DTD1: variants seen among roughly 807,000 people sequenced by gnomAD.
The protein encoded by DTD1 is D-aminoacyl-tRNA deacylase 1.
In DTD1, 13 loss-of-function variants were observed where a neutral mutation model predicts 25.6. The ratio of observed to expected loss-of-function variants is 0.51; its 90% confidence interval spans 0.33 to 0.81. The LOEUF is 0.81. Ranked by LOEUF, DTD1 falls within the 30% of genes least tolerant of loss-of-function variation. The pLI, the probability that DTD1 is intolerant of heterozygous loss-of-function variation, is 0.02. For synonymous variants in DTD1, 110 were observed against 103.6 expected (o/e 1.06, Z -0.37); for missense variants, 193 against 266.4 (o/e 0.72, Z 1.92).
At chr20:18,712,556 G>A (rs1025180988) in intron 4 of DTD1, among the ~76,000 whole-genome samples, 3 of 151,904 alleles carry the variant, frequency 2.0e-5, no homozygotes, top group Non-Finnish European at 4.4e-5. Context: ...CATGGACCTC[G>A]ACCCGAGATC....
intron 4 of DTD1, among the ~76,000 whole-genome samples, chr20:18,710,067 TTG>T (rs1239843117): frequency 6.6e-6 from 1 of 152,186 alleles, no homozygotes; most frequent in Non-Finnish European, 1.5e-5. Flanking sequence ...TTATGATATA[TTG>T]TCTACATTTT....
chr20:18,618,837 C>T (rs937495896), intron 3 of DTD1, among the ~76,000 whole-genome samples: 1 of 151,760 alleles, frequency 6.6e-6, no homozygotes, highest in Middle Eastern at 3.4e-3. Flanking sequence ...CTCAGCCTCC[C>T]GAGTAGCTGG....
chr20:18,595,360 T>C (rs552174645), intron 2 of DTD1, among the ~76,000 whole-genome samples: 53 of 152,240 alleles, frequency 3.5e-4, no homozygotes, highest in Non-Finnish European at 7.2e-4. Context: ...TCTGCCTCCC[T>C]GGTTCAAGCG....
intron 3 of DTD1, among the ~76,000 whole-genome samples, chr20:18,614,752 C>T (rs1453477326): frequency 6.6e-6 from 1 of 152,090 alleles, no homozygotes; most frequent in Non-Finnish European, 1.5e-5. Flanking sequence ...TTTAGAGGCA[C>T]TTCCTGTGTC....
At chr20:18,688,760 C>T (rs903806945) in intron 4 of DTD1, among the ~76,000 whole-genome samples, 1 of 151,876 alleles carries the variant, frequency 6.6e-6, no homozygotes, top group African/African-American at 2.4e-5. Flanking sequence ...TGATAAGAGC[C>T]AAGATCTCCT....
intron 4 of DTD1, among the ~76,000 whole-genome samples, chr20:18,685,431 T>G (rs6081298): frequency 0.36 from 54,962 of 152,042 alleles, 10,268 homozygotes; most frequent in Non-Finnish European, 0.41. Context: ...GCTTTCTGCC[T>G]TGGACCTGTG....
At chr20:18,759,617 T>C (rs1169026752) in intron 5 of DTD1, among the ~76,000 whole-genome samples, 8 of 152,262 alleles carry the variant, frequency 5.3e-5, no homozygotes, top group Admixed American at 4.6e-4. Flanking sequence ...GTTAGTCTGA[T>C]GGGCTTCCCT....
chr20:18,735,418 A>T (rs900010284), intron 4 of DTD1, among the ~76,000 whole-genome samples: 1 of 152,254 alleles, frequency 6.6e-6, no homozygotes, highest in Non-Finnish European at 1.5e-5. Flanking sequence ...CTTGGCCAGG[A>T]GTCCTGAGAC....
intron 4 of DTD1, among the ~76,000 whole-genome samples, chr20:18,680,494 G>A (rs535313511): frequency 6.7e-6 from 1 of 150,126 alleles, no homozygotes; most frequent in Admixed American, 6.7e-5. Context: ...CTCGCATCTG[G>A]GCCTCCCAAT....
intron 4 of DTD1, among the ~76,000 whole-genome samples, chr20:18,661,017 T>C (rs534599484): frequency 5.3e-4 from 80 of 152,344 alleles, no homozygotes; most frequent in Non-Finnish European, 8.7e-4. Flanking sequence ...GATCCAGCAC[T>C]GTCTTGCCTC....
intron 3 of DTD1, among the ~76,000 whole-genome samples, chr20:18,612,528 A>C (rs1179943895): frequency 1.3e-5 from 2 of 152,138 alleles, no homozygotes; most frequent in African/African-American, 4.8e-5. Flanking sequence ...AACCTATGGA[A>C]GGTCACTCAG....
At chr20:18,672,353 T>A (rs2060954020) in intron 4 of DTD1, among the ~76,000 whole-genome samples, 1 of 152,212 alleles carries the variant, frequency 6.6e-6, no homozygotes, top group Non-Finnish European at 1.5e-5. Context: ...CTCAGTACCT[T>A]TGTAAAGCAG....
At chr20:18,621,559 C>A (rs1270884354) in intron 3 of DTD1, among the ~76,000 whole-genome samples, 1 of 151,816 alleles carries the variant, frequency 6.6e-6, no homozygotes, top group Non-Finnish European at 1.5e-5. Flanking sequence ...ATCAATCCAT[C>A]TTTTTTTTGA....
chr20:18,714,270 T>G (rs944112530), intron 4 of DTD1, among the ~76,000 whole-genome samples: 1 of 152,236 alleles, frequency 6.6e-6, no homozygotes, highest in Non-Finnish European at 1.5e-5. Flanking sequence ...TAACCTTTTT[T>G]GTTTTCCCAT....
chr20:18,640,944 C>A (rs1430614227), intron 4 of DTD1, among the ~76,000 whole-genome samples: 1 of 152,088 alleles, frequency 6.6e-6, no homozygotes, highest in Non-Finnish European at 1.5e-5. Flanking sequence ...CTACAGAATT[C>A]TTTTTATCTT....
At chr20:18,725,063 A>G (rs1200837933) in intron 4 of DTD1, among the ~76,000 whole-genome samples, 1 of 152,266 alleles carries the variant, frequency 6.6e-6, no homozygotes, top group African/African-American at 2.4e-5. Flanking sequence ...AGGTGGTGTT[A>G]CAGACCTGTG....
intron 5 of DTD1, among the ~76,000 whole-genome samples, chr20:18,745,624 A>AGCAGTG (rs2061297134): frequency 6.6e-6 from 1 of 152,114 alleles, no homozygotes; most frequent in Admixed American, 6.5e-5. Context: ...CCAAGAGAAG[A>AGCAGTG]GCAGTGCAAA....
intron 4 of DTD1, among the ~76,000 whole-genome samples, chr20:18,639,670 A>T (rs1416118494): frequency 6.6e-6 from 1 of 152,224 alleles, no homozygotes; most frequent in East Asian, 1.9e-4. Context: ...AAAGAATGGC[A>T]TGTCTATGAA....
chr20:18,722,872 C>T (rs890342693), intron 4 of DTD1, among the ~76,000 whole-genome samples: 4 of 152,070 alleles, frequency 2.6e-5, no homozygotes, highest in Admixed American at 6.5e-5. Context: ...CAGTTTCTGT[C>T]AAAATCTGAA....
Sources: allele counts gnomAD v4.1 joint callset (sites outside exome capture counted in the v4.1 genomes callset), GRCh38; gene constraint gnomAD v4.1.1; transcripts MANE v1.5; gene names NCBI Gene and HGNC (gene_info 2026-07-23, HGNC 2026-07-21).